RAB22A: variants seen among roughly 807,000 people sequenced by gnomAD.
RAB22A encodes the protein RAB22A, member RAS oncogene family, also known as ras-related protein Rab-22A.
RAB22A carries 13 observed loss-of-function variants against 30.2 expected under a neutral mutation model. That is an observed-to-expected ratio of 0.43 (90% CI 0.28 to 0.68). RAB22A has a LOEUF of 0.68. Among genes scored for constraint, RAB22A ranks in the 30% least tolerant of loss-of-function variants. The pLI is 0.18. For missense variants in RAB22A, 177 were observed against 246.8 expected, an observed-to-expected ratio of 0.72 and a Z score of 1.89; for synonymous variants, 89 against 87.2, an observed-to-expected ratio of 1.02 and a Z score of -0.11.
At chr20:58,358,843 C>T (rs546064295) in intron 6 of RAB22A, among the ~76,000 whole-genome samples, 38 of 149,892 alleles carry the variant, frequency 2.5e-4, no homozygotes, top group African/African-American at 9.1e-4. Flanking sequence ...TGCAGTGAGC[C>T]GAGATCATGC....
chr20:58,338,936 G>A (rs1568869872), intron 2 of RAB22A, among the ~76,000 whole-genome samples: 1 of 152,126 alleles, frequency 6.6e-6, no homozygotes, highest in Non-Finnish European at 1.5e-5. Context: ...GTTCATCCTC[G>A]GGAGGCACTA....
intron 2 of RAB22A, among the ~76,000 whole-genome samples, chr20:58,317,463 T>C (rs1190630379): frequency 6.6e-6 from 1 of 152,026 alleles, no homozygotes; most frequent in Non-Finnish European, 1.5e-5. Context: ...TAGGACCAGC[T>C]CCATATTGTT....
intron 6 of RAB22A, among the ~76,000 whole-genome samples, chr20:58,358,714 G>A (rs771455375): frequency 8.5e-5 from 13 of 152,144 alleles, no homozygotes; most frequent in Non-Finnish European, 1.8e-4. Flanking sequence ...GGCCAACATG[G>A]CGAAACCTGG....
chr20:58,361,022 CTGT>C lies in RAB22A; in HGVS notation c.*1321_*1323del, dbSNP rs1242790923. Reference sequence around the variant, plus strand: ...CTTGTTAACAATTTAGCTTATCTTTCTGTTTCCTTTATTTTTCCCCTGCCTCTG... The same window carrying C: ...CTTGTTAACAATTTAGCTTATCTTTCTTCCTTTATTTTTCCCCTGCCTCTG... On this transcript the variant is annotated 3_prime_UTR_variant, in exon 7 of 7. Coordinates refer to ENST00000244040, the MANE Select transcript of RAB22A (RefSeq NM_020673.3). 2.0e-5 allele frequency: 3 copies of C among 152,550 alleles called. No individual in the cohort carries two copies. The highest frequency in any genetic ancestry group is 4.4e-5 in the Non-Finnish European group (3 of 68,020). The allele number at this position is 152,550 out of a possible 1,614,324, so 9.4% of individuals were successfully genotyped here.
At chr20:58,311,531 T>G (rs1372912484) in intron 2 of RAB22A, among the ~76,000 whole-genome samples, 1 of 152,232 alleles carries the variant, frequency 6.6e-6, no homozygotes, top group East Asian at 1.9e-4. Flanking sequence ...TCTGAACCCT[T>G]ACACATTCCT....
chr20:58,321,658 A>G (rs1344253007), intron 2 of RAB22A, among the ~76,000 whole-genome samples: 7 of 152,168 alleles, frequency 4.6e-5, no homozygotes, highest in African/African-American at 1.7e-4. Context: ...TCTGTTTTTA[A>G]TCAGGTTTTG....
chr20:58,318,207 T>A (rs1986382015), intron 2 of RAB22A, among the ~76,000 whole-genome samples: 1 of 152,230 alleles, frequency 6.6e-6, no homozygotes, highest in African/African-American at 2.4e-5. Context: ...AATTTTAAAA[T>A]TATTTGTATC....
At chr20:58,331,548 C>T (rs915397488) in intron 2 of RAB22A, among the ~76,000 whole-genome samples, 13 of 152,150 alleles carry the variant, frequency 8.5e-5, no homozygotes, top group East Asian at 5.8e-4. Context: ...GCTTTTACCC[C>T]CATTATTCCA....
intron 3 of RAB22A, among the ~76,000 whole-genome samples, chr20:58,351,536 G>A (rs1357708520): frequency 2.0e-5 from 3 of 152,014 alleles, no homozygotes; most frequent in East Asian, 1.9e-4. Flanking sequence ...GATACAGGCC[G>A]GGCATGGTGG....
Position 58,334,401 on chromosome 20 carries a change from G to GA in RAB22A, c.117-9315dup, listed in dbSNP as rs554693187. On this transcript the variant is annotated intron_variant, in intron 2 of 6. Transcript: ENST00000244040. ...GCCGTCCATATTTGATCTATCCAAA[G>GA]AAGATAGAAAAAGAAGAGCAGAGAA... Among the ~76,000 whole-genome samples, 475 of 151,850 alleles carry GA rather than the reference G, an allele frequency of 3.1e-3. 2 individuals are homozygous for GA. The highest frequency in any genetic ancestry group is 0.011 in the African/African-American group (455 of 41,440).
chr20:58,354,480 G>GAATA (rs1273873113), intron 6 of RAB22A, among the ~76,000 whole-genome samples: 1 of 152,094 alleles, frequency 6.6e-6, no homozygotes, highest in African/African-American at 2.4e-5. Context: ...TGTTGCTACT[G>GAATA]AATAAATAAT....
intron 2 of RAB22A, among the ~76,000 whole-genome samples, chr20:58,336,879 T>C (rs1285862574): frequency 6.6e-6 from 1 of 152,064 alleles, no homozygotes; most frequent in Non-Finnish European, 1.5e-5. Context: ...AACTGCACTC[T>C]GCCCACCCCA....
At chr20:58,333,359 C>T (rs1986694407) in intron 2 of RAB22A, among the ~76,000 whole-genome samples, 1 of 151,914 alleles carries the variant, frequency 6.6e-6, no homozygotes, top group East Asian at 1.9e-4. Flanking sequence ...TTAAACCTGC[C>T]AACTAATCTG....
At chr20:58,315,506 G>T (rs1199394686) in intron 2 of RAB22A, among the ~76,000 whole-genome samples, 3 of 152,166 alleles carry the variant, frequency 2.0e-5, no homozygotes, top group Non-Finnish European at 2.9e-5. Context: ...TTGACTGTGT[G>T]CTAGCAGGGA....
chr20:58,339,751 C>G (rs575993052), intron 2 of RAB22A, among the ~76,000 whole-genome samples: 25 of 152,206 alleles, frequency 1.6e-4, no homozygotes, highest in African/African-American at 6.0e-4. Flanking sequence ...AAATAACGCC[C>G]TATTTTCACC....
At chr20:58,325,471 C>T (rs1986552549) in intron 2 of RAB22A, among the ~76,000 whole-genome samples, 2 of 151,078 alleles carry the variant, frequency 1.3e-5, no homozygotes, top group Admixed American at 1.3e-4. Flanking sequence ...AGTGAGACTC[C>T]GTCTCAAAAA....
At chr20:58,337,807 G>A (rs1378663588) in intron 2 of RAB22A, among the ~76,000 whole-genome samples, 1 of 152,210 alleles carries the variant, frequency 6.6e-6, no homozygotes, top group East Asian at 1.9e-4. Flanking sequence ...TGTCCCATCT[G>A]CAAAATGGTG....
chr20:58,361,888 T>C lies in RAB22A; in HGVS notation c.*2185T>C, dbSNP rs1987233548. On this transcript the variant is annotated 3_prime_UTR_variant, in exon 7 of 7. Transcript: ENST00000244040. Reference sequence around the variant, plus strand: ...AAAGGCAAGGTCTTCTGAGCTCATCTTAACTGGTGAGGCATCTGGATGTGT... The same window carrying C: ...AAAGGCAAGGTCTTCTGAGCTCATCCTAACTGGTGAGGCATCTGGATGTGT... 2.0e-5 allele frequency: 3 copies of C among 152,210 alleles called. No individual in the cohort carries two copies. The South Asian group carries it at 6.2e-4, about 32-fold the overall frequency. 9.4% of individuals were successfully genotyped at this position (152,210 alleles called of 1,614,324 possible).
chr20:58,323,875 TA>T (rs912893188), intron 2 of RAB22A, among the ~76,000 whole-genome samples: 1 of 152,110 alleles, frequency 6.6e-6, no homozygotes, highest in African/African-American at 2.4e-5. Context: ...ATCACATAAT[TA>T]TACTCTTTTA....
Sources: gnomAD v4.1 joint callset for allele counts (sites outside exome capture counted in the v4.1 genomes callset) on GRCh38, gnomAD v4.1.1 for gene constraint, MANE v1.5 for transcripts, NCBI Gene and HGNC (gene_info 2026-07-23, HGNC 2026-07-21) for gene names.